The following SESTD1 variants were observed in gnomAD, a reference collection of about 807,000 sequenced individuals.
The protein encoded by SESTD1 is SEC14 and spectrin domain containing 1.
In SESTD1, 43 loss-of-function variants were observed where a neutral mutation model predicts 101.7. That is an observed-to-expected ratio of 0.42 (90% CI 0.33 to 0.55). The LOEUF (loss-of-function observed/expected upper bound fraction) is 0.55, where lower values mean the gene tolerates loss of function less well. Among genes scored for constraint, SESTD1 ranks in the 20% least tolerant of loss-of-function variants. The pLI is 0.07. For missense variants in SESTD1, 647 were observed against 815.1 expected (o/e 0.79, Z 2.51); for synonymous variants, 283 against 286.8 (o/e 0.99, Z 0.13).
chr2:179,144,792 A>G (rs2045358489), intron 8 of SESTD1, among the ~76,000 whole-genome samples: 1 of 152,094 alleles, frequency 6.6e-6, no homozygotes, highest in African/African-American at 2.4e-5. Flanking sequence ...TTTAAAAGTT[A>G]ATAGCATATA....
intron 13 of SESTD1, among the ~76,000 whole-genome samples, chr2:179,120,489 G>GAAGC (rs2044726072): frequency 6.6e-6 from 1 of 152,184 alleles, no homozygotes; most frequent in South Asian, 2.1e-4. Context: ...ACAAACCCTG[G>GAAGC]AAGCAGTAAC....
chr2:179,138,349 T>G (rs4499457), intron 9 of SESTD1, among the ~76,000 whole-genome samples: 8,457 of 152,200 alleles, frequency 0.056, 300 homozygotes, highest in South Asian at 0.09. Flanking sequence ...GTCACCCATG[T>G]TTTTGGTGCC....
rs761209254 is a variant in SESTD1, at chr2:179,116,694, G to C, written c.1621C>G (p.His541Asp). The change falls in exon 15 of 18, where the codon CAT becomes GAT. Residue 541 changes from histidine to aspartate, a missense_variant. His to Asp is a moderately conservative substitution (Grantham distance 81). This residue lies in a region of SESTD1 where 476 missense variants were observed against 562.6 expected (regional missense o/e 0.85). Transcript: ENST00000428443. Reference protein sequence around the residue: ...AQETKVLLEKHRKFVDVAQST... With the variant: ...AQETKVLLEKDRKFVDVAQST... Reference sequence around the variant, plus strand: ...TGTGCAACATCAACAAATTTTCTATGCTTTTCCAGCAAAACTTTCGTTTCT... The same window carrying C: ...TGTGCAACATCAACAAATTTTCTATCCTTTTCCAGCAAAACTTTCGTTTCT... 6.2e-7 allele frequency: 1 copy of C among 1,613,988 alleles called. No individual in the cohort carries two copies. The highest frequency in any genetic ancestry group is 1.3e-5 in the African/African-American group (1 of 74,934).
At chr2:179,199,914 G>A (rs1173935040) in intron 1 of SESTD1, among the ~76,000 whole-genome samples, 7 of 152,050 alleles carry the variant, frequency 4.6e-5, no homozygotes, top group Non-Finnish European at 7.4e-5. Context: ...AGTGTTGGAA[G>A]TTCTGGCCAG....
Position 179,183,330 on chromosome 2 carries a change from G to A in SESTD1, c.56-142C>T, listed in dbSNP as rs992263568. On this transcript the variant is annotated intron_variant, in intron 2 of 17. Coordinates refer to ENST00000428443, the MANE Select transcript of SESTD1 (RefSeq NM_178123.5). ...AATATCTAATGGCTACTTATAGATT[G>A]TAAATTTTTATGATAGTATAGAAGA... The A allele has an allele frequency of 2.7e-5, 14 of 515,932 alleles. No homozygotes were observed. The East Asian group carries it at 4.8e-4, about 18-fold the overall frequency. 32.0% of individuals were successfully genotyped at this position (515,932 alleles called of 1,614,324 possible).
At chr2:179,222,317 A>C (rs984181281) in intron 1 of SESTD1, among the ~76,000 whole-genome samples, 1 of 152,172 alleles carries the variant, frequency 6.6e-6, no homozygotes, top group East Asian at 1.9e-4. Context: ...CAATTCCTTT[A>C]ATTTCTTTTA....
Position 179,190,471 on chromosome 2 carries a change from T to A in SESTD1, c.55+1316A>T, listed in dbSNP as rs375536379. ...AACCTAGGAAATACAATTCTGAGTA[T>A]CGGCCTCAGAAAAAAAATTATGACT... On this transcript the variant is annotated intron_variant, in intron 2 of 17. Coordinates refer to ENST00000428443, the MANE Select transcript of SESTD1 (RefSeq NM_178123.5). Among the ~76,000 whole-genome samples, 4 of 152,064 alleles carry A rather than the reference T, an allele frequency of 2.6e-5. No individual in the cohort carries two copies. The East Asian group carries it at 5.8e-4, about 22-fold the overall frequency.
chr2:179,231,628 A>G (rs934370667), intron 1 of SESTD1, among the ~76,000 whole-genome samples: 1 of 151,802 alleles, frequency 6.6e-6, no homozygotes, highest in South Asian at 2.1e-4. Context: ...ATCAAACATA[A>G]GTCATTAAAA....
At chr2:179,116,271 C>CT (rs1430563487) in intron 15 of SESTD1, among the ~76,000 whole-genome samples, 6 of 141,180 alleles carry the variant, frequency 4.2e-5, no homozygotes, top group Admixed American at 1.4e-4. Context: ...AAGACTGTGT[C>CT]TTAAAAAAAA....
At chr2:179,199,032 G>A (rs1021866471) in intron 1 of SESTD1, among the ~76,000 whole-genome samples, 3 of 151,956 alleles carry the variant, frequency 2.0e-5, no homozygotes. Flanking sequence ...TTTTTTGACA[G>A]GATCAACAAA....
rs558633959 is a variant in SESTD1 at position 179,180,007 on chromosome 2, TCTTATTTTGTAAA to T, written c.164+3060_164+3072del. Reference sequence around the variant, plus strand: ...TTCAATCATCTCTGGTAAAATATCTTCTTATTTTGTAAAGTATCACCACTCTATCACTCTGACT... The same window carrying T: ...TTCAATCATCTCTGGTAAAATATCTTGTATCACCACTCTATCACTCTGACT... On this transcript the variant is annotated intron_variant, in intron 3 of 17. Coordinates refer to ENST00000428443, the MANE Select transcript of SESTD1 (RefSeq NM_178123.5). Among the ~76,000 whole-genome samples the T allele has an allele frequency of 3.1e-3, 470 of 152,328 alleles. 4 individuals are homozygous for T. The highest frequency in any genetic ancestry group is 0.011 in the African/African-American group (453 of 41,584).
At chr2:179,196,284 C>T (rs984338044) in intron 1 of SESTD1, among the ~76,000 whole-genome samples, 1 of 152,324 alleles carries the variant, frequency 6.6e-6, no homozygotes, top group Admixed American at 6.5e-5. Flanking sequence ...GATTACATCC[C>T]GCACCTGGCT....
chr2:179,150,412 T>C (rs940476183), intron 6 of SESTD1, among the ~76,000 whole-genome samples: 2 of 152,030 alleles, frequency 1.3e-5, no homozygotes, highest in East Asian at 3.9e-4. Flanking sequence ...CCAAAGACGA[T>C]ACATTTTCAC....
At chr2:179,155,520 G>A (rs1308554310) in intron 5 of SESTD1, among the ~76,000 whole-genome samples, 1 of 151,952 alleles carries the variant, frequency 6.6e-6, no homozygotes, top group African/African-American at 2.4e-5. Context: ...GGCAGCCAAG[G>A]TAAGAGGACT....
intron 1 of SESTD1, among the ~76,000 whole-genome samples, chr2:179,220,321 C>A (rs1311936109): frequency 2.6e-5 from 4 of 152,112 alleles, no homozygotes; most frequent in Non-Finnish European, 5.9e-5. Flanking sequence ...TTTTAAAAAT[C>A]TTTGGCTCTT....
intron 3 of SESTD1, among the ~76,000 whole-genome samples, chr2:179,176,794 C>A (rs1344493654): frequency 6.6e-6 from 1 of 152,142 alleles, no homozygotes; most frequent in African/African-American, 2.4e-5. Context: ...GCATAAAAGT[C>A]AATGTCTTAA....
chr2:179,156,677 CT>C (rs1318943180), intron 5 of SESTD1, among the ~76,000 whole-genome samples: 2 of 152,048 alleles, frequency 1.3e-5, no homozygotes, highest in South Asian at 2.1e-4. Flanking sequence ...GGATTGTTTG[CT>C]TTTTTTCTTG....
intron 5 of SESTD1, among the ~76,000 whole-genome samples, chr2:179,152,294 T>C (rs998908980): frequency 2.0e-5 from 3 of 152,152 alleles, no homozygotes; most frequent in Non-Finnish European, 2.9e-5. Context: ...TGTAACTAGT[T>C]TGAAGTTGAA....
At chr2:179,246,961 T>C (rs978757890) in intron 1 of SESTD1, among the ~76,000 whole-genome samples, 3 of 152,184 alleles carry the variant, frequency 2.0e-5, no homozygotes, top group Non-Finnish European at 4.4e-5. Context: ...ATAGGAATTA[T>C]TCTCCCATTA....
Sources: gnomAD v4.1 joint callset for allele counts (sites outside exome capture counted in the v4.1 genomes callset) on GRCh38, gnomAD v4.1.1 for gene constraint, gnomAD v4.1.1 regional missense constraint, MANE v1.5 for transcripts, NCBI Gene and HGNC (gene_info 2026-07-23, HGNC 2026-07-21) for gene names.